Variants in FHIT observed in about 807,000 individuals in gnomAD.
The protein encoded by FHIT is bis(5'-adenosyl)-triphosphatase.
FHIT carries 19 observed loss-of-function variants against 17.9 expected under a neutral mutation model. The observed-to-expected ratio is 1.06, with a 90% CI of 0.74 to 1.56. The LOEUF is 1.56. FHIT is among the 40% of genes most tolerant of loss of function. The pLI is 0.00. For missense variants in FHIT, 248 were observed against 189.2 expected, an observed-to-expected ratio of 1.31 and a Z score of -1.82; for synonymous variants, 81 against 69.7, an observed-to-expected ratio of 1.16 and a Z score of -0.81.
intron 5 of FHIT, among the ~76,000 whole-genome samples, chr3:60,308,991 G>A (rs1186635841): frequency 6.6e-6 from 1 of 152,120 alleles, no homozygotes; most frequent in African/African-American, 2.4e-5. Context: ...GTACGAAAAT[G>A]GAGTTTTTAA....
At chr3:60,113,114 T>C (rs1002096896) in intron 5 of FHIT, among the ~76,000 whole-genome samples, 2 of 152,192 alleles carry the variant, frequency 1.3e-5, no homozygotes, top group African/African-American at 4.8e-5. Flanking sequence ...TGCTTACCAA[T>C]AGGTAAGTCT....
chr3:61,078,558 C>T (rs1397028214), intron 2 of FHIT, among the ~76,000 whole-genome samples: 1 of 152,158 alleles, frequency 6.6e-6, no homozygotes, highest in Admixed American at 6.5e-5. Context: ...CCATTCCCTG[C>T]TTTCATCTAC....
chr3:60,241,952 C>T (rs566770177), intron 5 of FHIT, among the ~76,000 whole-genome samples: 41 of 151,920 alleles, frequency 2.7e-4, no homozygotes, highest in African/African-American at 8.2e-4. Flanking sequence ...TCTTTAGCTC[C>T]TAGGTAGAGA....
intron 2 of FHIT, among the ~76,000 whole-genome samples, chr3:61,109,815 T>C (rs2036101331): frequency 6.6e-6 from 1 of 152,136 alleles, no homozygotes; most frequent in East Asian, 1.9e-4. Flanking sequence ...AAATAGTGGC[T>C]CTCTTCTTCT....
intron 5 of FHIT, among the ~76,000 whole-genome samples, chr3:60,392,579 G>A (rs1701275099): frequency 6.6e-6 from 1 of 152,168 alleles, no homozygotes; most frequent in Non-Finnish European, 1.5e-5. Context: ...AACTAAAGCT[G>A]AACATACTTT....
intron 5 of FHIT, among the ~76,000 whole-genome samples, chr3:60,123,997 TATATATATATATAGAG>T (rs1486901189): frequency 1.1e-3 from 37 of 33,944 alleles, no homozygotes; most frequent in African/African-American, 4.2e-3. Context: ...TATATATATA[TATATATATATATAGAG>T]AGAGAGAGAG....
intron 8 of FHIT, among the ~76,000 whole-genome samples, chr3:59,775,433 G>A (rs1199730461): frequency 2.6e-5 from 4 of 152,128 alleles, no homozygotes; most frequent in Non-Finnish European, 5.9e-5. Flanking sequence ...TGGTTCTCCT[G>A]TGCATTTTAT....
intron 4 of FHIT, chr3:60,732,774 C>A (rs2042059971): frequency 3.9e-6 from 1 of 258,288 alleles, no homozygotes. Flanking sequence ...GCAATCTCCA[C>A]CTTCCGGGTT....
chr3:60,590,398 A>G (rs1444324838), intron 4 of FHIT, among the ~76,000 whole-genome samples: 1 of 152,066 alleles, frequency 6.6e-6, no homozygotes, highest in African/African-American at 2.4e-5. Flanking sequence ...CTCCACCCCC[A>G]GAGAATAACA....
At chr3:59,897,229 C>G (rs1030495969) in intron 8 of FHIT, among the ~76,000 whole-genome samples, 6 of 152,204 alleles carry the variant, frequency 3.9e-5, no homozygotes, top group Admixed American at 3.9e-4. Flanking sequence ...TATCGAGAAA[C>G]TGAATTTTGC....
At chr3:61,043,854 C>A (rs2107698064) in intron 2 of FHIT, among the ~76,000 whole-genome samples, 1 of 152,286 alleles carries the variant, frequency 6.6e-6, no homozygotes, top group East Asian at 1.9e-4. Context: ...ACAGGTGATA[C>A]CCAGGCAAAC....
chr3:60,730,092 GAT>G (rs1553710747), intron 4 of FHIT: 2 of 513,430 alleles, frequency 3.9e-6, no homozygotes, highest in East Asian at 1.1e-4. Context: ...TCAGGTAGTA[GAT>G]GTGTCCCAAT....
intron 4 of FHIT, among the ~76,000 whole-genome samples, chr3:60,767,292 G>A (rs1308641686): frequency 2.0e-5 from 3 of 152,186 alleles, no homozygotes; most frequent in Non-Finnish European, 4.4e-5. Flanking sequence ...TAAGAACAGA[G>A]AGGATGATAA....
intron 3 of FHIT, among the ~76,000 whole-genome samples, chr3:60,845,642 A>T (rs1221092097): frequency 6.6e-6 from 1 of 152,190 alleles, no homozygotes; most frequent in Non-Finnish European, 1.5e-5. Flanking sequence ...TTATACAAAT[A>T]TCCTCCAATT....
intron 3 of FHIT, among the ~76,000 whole-genome samples, chr3:61,022,190 AG>A (rs1279377472): frequency 6.6e-6 from 1 of 152,248 alleles, no homozygotes; most frequent in African/African-American, 2.4e-5. Context: ...CAGAAATAAA[AG>A]CACCATCAGA....
chr3:60,640,449 C>T (rs2039698677), intron 4 of FHIT, among the ~76,000 whole-genome samples: 1 of 152,240 alleles, frequency 6.6e-6, no homozygotes, highest in Non-Finnish European at 1.5e-5. Flanking sequence ...ACTTAGTGAA[C>T]AGGAAATTTC....
intron 3 of FHIT, among the ~76,000 whole-genome samples, chr3:60,927,111 T>C (rs988393815): frequency 6.6e-6 from 1 of 152,178 alleles, no homozygotes; most frequent in African/African-American, 2.4e-5. Context: ...CTGATTCTCC[T>C]GCCTCAGCCT....
At chr3:59,787,766 T>C (rs1231574227) in intron 8 of FHIT, among the ~76,000 whole-genome samples, 2 of 152,198 alleles carry the variant, frequency 1.3e-5, no homozygotes, top group Non-Finnish European at 2.9e-5. Flanking sequence ...ATTGGACAAA[T>C]GTGAAAACTG....
At chr3:60,105,830 A>T (rs578023158) in intron 5 of FHIT, among the ~76,000 whole-genome samples, 2 of 152,180 alleles carry the variant, frequency 1.3e-5, no homozygotes, top group African/African-American at 2.4e-5. Context: ...TAAAAGAAGA[A>T]AAAGAAAATG....
Sources: gnomAD v4.1 joint callset for allele counts (sites outside exome capture counted in the v4.1 genomes callset) on GRCh38, gnomAD v4.1.1 for gene constraint, MANE v1.5 for transcripts, NCBI Gene and HGNC (gene_info 2026-07-23, HGNC 2026-07-21) for gene names.